ADPRHL1: variants seen among roughly 807,000 people sequenced by gnomAD.
ADPRHL1 encodes the protein ADP-ribosylhydrolase like 1, also known as inactive ADP-ribosyltransferase ARH2.
Under a neutral mutation model 44.1 loss-of-function variants are expected in ADPRHL1, and 43 were observed. The observed-to-expected ratio is 0.98, with a 90% CI of 0.76 to 1.26. The LOEUF is 1.26. Among genes scored for constraint, ADPRHL1 ranks in the 50% most tolerant of loss-of-function variants. The probability of loss-of-function intolerance (pLI) is 0.00; values close to 1 mark genes in which losing one functional copy is unlikely to be tolerated. For synonymous variants in ADPRHL1, 878 were observed against 1,017.4 expected, an observed-to-expected ratio of 0.86 and a Z score of 2.61; for missense variants, 2,022 against 2,496.9, an observed-to-expected ratio of 0.81 and a Z score of 4.05.
At chr13:113,428,812 C>G in intron 4 of ADPRHL1, 140 bp downstream of exon 4, 2 of 1,353,010 alleles carry the variant, frequency 1.5e-6, no homozygotes, top group Non-Finnish European at 2.0e-6. Context: ...GCGAGGCCAG[C>G]TCTGCTCACA....
At chr13:113,424,158 G>T in intron 6 of ADPRHL1, 59 bp downstream of exon 6, 1 of 1,600,558 alleles carries the variant, frequency 6.2e-7, no homozygotes, top group Non-Finnish European at 8.5e-7. Flanking sequence ...CTCCGAGGGG[G>T]TGCTTCAGAA....
intron 2 of ADPRHL1, among the ~76,000 whole-genome samples, chr13:113,438,773 C>T (rs1311566545): frequency 6.6e-6 from 1 of 152,172 alleles, no homozygotes; most frequent in Non-Finnish European, 1.5e-5. Context: ...ATCCTCCTGG[C>T]TCAGTCTTCC....
At chr13:113,420,588 G>A (rs776655921) in intron 7 of ADPRHL1, among the ~76,000 whole-genome samples, 13 of 152,028 alleles carry the variant, frequency 8.6e-5, no homozygotes, top group Admixed American at 4.6e-4. Flanking sequence ...CCACACCCAC[G>A]GGTGCTGGGA....
Position 113,404,688 on chromosome 13 carries a change from T to G in ADPRHL1, c.4594A>C (p.Ser1532Arg). 7.9e-7 allele frequency: 1 copy of G among 1,261,618 alleles called. No homozygotes were observed. The highest frequency in any genetic ancestry group is 3.2e-5 in the East Asian group (1 of 31,310). The allele number at this position is 1,261,618 out of a possible 1,614,324, so 78.2% of individuals were successfully genotyped here. The change falls in exon 8 of 8, where the codon AGT (serine) becomes CGT (arginine). Residue 1532 changes from serine (S) to arginine (R), a missense_variant. Physicochemically the swap from Ser to Arg is moderately radical, Grantham distance 110. This residue lies in a region of ADPRHL1 where 32 missense variants were observed against 72.6 expected (regional missense o/e 0.44). Coordinates refer to ENST00000612156, the MANE Select transcript of ADPRHL1 (RefSeq NM_001394807.1). ...EQAQGGTQGH[S>R]QGQAQKQFQN... Reference sequence around the variant, plus strand: ...AACTGTTTCTGGGCCTGTCCCTGACTGTGTCCCTGGGTCCCACCCTGAGCC... The same window carrying G: ...AACTGTTTCTGGGCCTGTCCCTGACGGTGTCCCTGGGTCCCACCCTGAGCC...
At chr13:113,411,245 T>A (rs1314435242) in intron 7 of ADPRHL1, among the ~76,000 whole-genome samples, 1 of 151,980 alleles carries the variant, frequency 6.6e-6, no homozygotes, top group East Asian at 1.9e-4. Context: ...ATGAAGAGAG[T>A]AATGGAGCTC....
chr13:113,412,943 A>G (rs1167802755), intron 7 of ADPRHL1, among the ~76,000 whole-genome samples: 2 of 37,930 alleles, frequency 5.3e-5, no homozygotes, highest in Admixed American at 4.8e-4. Flanking sequence ...ACCCACCGCC[A>G]ACAGTGCCCC....
At chr13:113,421,028 AC>A (rs1216927717) in intron 7 of ADPRHL1, among the ~76,000 whole-genome samples, 3 of 70,892 alleles carry the variant, frequency 4.2e-5, no homozygotes, top group South Asian at 5.7e-4. Context: ...GGACACCCCT[AC>A]CCCCCGCCAA....
At chr13:113,433,286 G>A (rs4907642) in intron 3 of ADPRHL1, among the ~76,000 whole-genome samples, 134,204 of 152,138 alleles carry the variant, frequency 0.88, 59,671 homozygotes, top group Non-Finnish European at 0.94. Context: ...AATGCAGGAA[G>A]TATTGTACAA....
chr13:113,440,458 C>CG, intron 2 of ADPRHL1, among the ~76,000 whole-genome samples: 1 of 142,376 alleles, frequency 7.0e-6, no homozygotes, highest in Admixed American at 7.1e-5. Context: ...ATTTTTCCAT[C>CG]TTTTTTTTTT....
chr13:113,450,485 T>C (rs193261548), intron 1 of ADPRHL1, among the ~76,000 whole-genome samples: 277 of 152,224 alleles, frequency 1.8e-3, no homozygotes, highest in Middle Eastern at 3.4e-3. Flanking sequence ...GGGGGACCAC[T>C]ACTACCAATG....
chr13:113,436,367 G>A (rs1337956706), intron 2 of ADPRHL1, among the ~76,000 whole-genome samples: 1 of 92,020 alleles, frequency 1.1e-5, no homozygotes, highest in African/African-American at 4.4e-5. Flanking sequence ...CCAGCACCCA[G>A]GTGTAGGGTG....
chr13:113,421,295 CG>C (rs1441793711), intron 7 of ADPRHL1, among the ~76,000 whole-genome samples: 3 of 124,308 alleles, frequency 2.4e-5, no homozygotes, highest in African/African-American at 9.7e-5. Flanking sequence ...CCCCGGGACA[CG>C]CCCACTCCCG....
chr13:113,450,363 A>G (rs2044170282), intron 1 of ADPRHL1, among the ~76,000 whole-genome samples: 1 of 152,198 alleles, frequency 6.6e-6, no homozygotes, highest in Admixed American at 6.5e-5. Flanking sequence ...TAGAGGGGTA[A>G]GCTGTAGGGA....
intron 2 of ADPRHL1, among the ~76,000 whole-genome samples, chr13:113,436,907 C>T (rs1466950757): frequency 2.0e-5 from 3 of 147,812 alleles, no homozygotes; most frequent in African/African-American, 2.5e-5. Context: ...TGTGACCCAG[C>T]ACCCACACGT....
In ADPRHL1 at chr13:113,446,943, T is replaced by C. The variant is rs541990327; in HGVS notation, c.215-2354A>G. ...ACATGCAAGTTGTATGTGCATGGTG[T>C]CTACACTCACGGTGTTGTGTGTGCA... On this transcript the variant is annotated intron_variant, in intron 1 of 7. Coordinates refer to ENST00000612156, the MANE Select transcript of ADPRHL1 (RefSeq NM_001394807.1). Among the ~76,000 whole-genome samples the C allele has an allele frequency of 4.7e-3, 682 of 146,410 alleles. 3 individuals carry two copies. Among genetic ancestry groups the C allele is most frequent in the Non-Finnish European group, 7.2e-3 (484 of 67,104 alleles).
In ADPRHL1 at chr13:113,425,292, T is replaced by C. The variant is rs1032175016; in HGVS notation, c.647-113A>G. ...CGTGTGTGTGGCGGGGAAGTGGCAA[T>C]GCCCCCTCTACCCAGCTGCAGGCAT... is the stretch of plus-strand genomic sequence containing the variant. On this transcript the variant is annotated intron_variant, in intron 4 of 7. Coordinates refer to ENST00000612156, the MANE Select transcript of ADPRHL1 (RefSeq NM_001394807.1). The C allele has an allele frequency of 3.2e-5, 34 of 1,079,242 alleles. 1 individual carries two copies. Among genetic ancestry groups the C allele is most frequent in the South Asian group, 4.7e-5 (3 of 64,476 alleles). 66.9% of individuals were successfully genotyped at this position (1,079,242 alleles called of 1,614,324 possible). A position where few individuals can be genotyped will look rare whatever the true frequency, so the allele number is the denominator to read the frequency against.
At chr13:113,411,081 A>T (rs1260396267) in intron 7 of ADPRHL1, among the ~76,000 whole-genome samples, 6 of 152,188 alleles carry the variant, frequency 3.9e-5, no homozygotes, top group Non-Finnish European at 5.9e-5. Context: ...CATCTGAATA[A>T]AGGCCACCAG....
intron 2 of ADPRHL1, among the ~76,000 whole-genome samples, chr13:113,436,895 C>T (rs566670713): frequency 2.1e-5 from 3 of 145,526 alleles, no homozygotes; most frequent in African/African-American, 7.7e-5. Flanking sequence ...ATAGGTGTAC[C>T]CTGTGACCCA....
chr13:113,442,215 G>A (rs2044104350), intron 2 of ADPRHL1, among the ~76,000 whole-genome samples: 3 of 152,232 alleles, frequency 2.0e-5, no homozygotes, highest in Admixed American at 2.0e-4. Context: ...AGCATTTTGG[G>A]AGGCTAAGGC....
Sources: allele counts gnomAD v4.1 joint callset (sites outside exome capture counted in the v4.1 genomes callset), GRCh38; gene constraint gnomAD v4.1.1; regional missense constraint gnomAD v4.1.1; transcripts MANE v1.5; gene names NCBI Gene and HGNC (gene_info 2026-07-23, HGNC 2026-07-21).